EHD4: variants seen among roughly 807,000 people sequenced by gnomAD.
EHD4 encodes the protein EH domain containing 4, also known as EH domain-containing protein 4.
In EHD4, 37 loss-of-function variants were observed where a neutral mutation model predicts 51.0. That is an observed-to-expected ratio of 0.73 (90% CI 0.56 to 0.95). EHD4 has a LOEUF of 0.95. EHD4 is among the 40% of genes least tolerant of loss of function. The pLI, the probability that EHD4 is intolerant of heterozygous loss-of-function variation, is 0.00. For synonymous variants in EHD4, 297 were observed against 317.3 expected, an observed-to-expected ratio of 0.94 and a Z score of 0.68; for missense variants, 632 against 733.1, an observed-to-expected ratio of 0.86 and a Z score of 1.59.
intron 3 of EHD4, among the ~76,000 whole-genome samples, chr15:41,933,230 T>C (rs1307666239): frequency 6.6e-6 from 1 of 152,136 alleles, no homozygotes; most frequent in South Asian, 2.1e-4. Flanking sequence ...ACAGGCTTGT[T>C]TGGATGGTCG....
At chr15:41,959,174 C>T (rs900620650) in intron 1 of EHD4, among the ~76,000 whole-genome samples, 8 of 151,748 alleles carry the variant, frequency 5.3e-5, no homozygotes, top group South Asian at 2.1e-4. Context: ...GGGCGGATCA[C>T]GAGGTCAGGA....
chr15:41,946,954 T>G (rs2067819338), intron 2 of EHD4, among the ~76,000 whole-genome samples: 1 of 152,218 alleles, frequency 6.6e-6, no homozygotes, highest in South Asian at 2.1e-4. Context: ...CACCTCTTAC[T>G]GGGTGTCAGG....
At chr15:41,941,799 T>C (rs1442359398) in intron 3 of EHD4, 4 of 152,212 alleles carry the variant, frequency 2.6e-5, no homozygotes, top group Non-Finnish European at 5.9e-5. Context: ...GGAGGGCTTA[T>C]TGGCCTCGGA....
chr15:41,943,203 C>A, intron 2 of EHD4, 39 bp from the exon 3 acceptor site: 1 of 1,510,582 alleles, frequency 6.6e-7, no homozygotes, highest in Non-Finnish European at 9.0e-7. Flanking sequence ...AGAAACTGGG[C>A]ATCACAGAGT....
intron 5 of EHD4, 145 bp downstream of exon 5, chr15:41,909,554 G>A: frequency 1.0e-6 from 1 of 964,528 alleles, no homozygotes; most frequent in Non-Finnish European, 1.6e-6. Flanking sequence ...TTTATTCATA[G>A]CCTATTATCA....
At chr15:41,918,825 G>A (rs1234656231) in intron 4 of EHD4, among the ~76,000 whole-genome samples, 1 of 152,190 alleles carries the variant, frequency 6.6e-6, no homozygotes, top group Non-Finnish European at 1.5e-5. Flanking sequence ...ACCTCTTTCA[G>A]GTTTGGTTGG....
chr15:41,901,242 G>A, intron 5 of EHD4, 61 bp from the exon 6 acceptor site: 1 of 1,487,856 alleles, frequency 6.7e-7, no homozygotes, highest in Non-Finnish European at 8.9e-7. Flanking sequence ...AAACAGTTGG[G>A]GGCCACTGGA....
intron 2 of EHD4, among the ~76,000 whole-genome samples, chr15:41,949,051 TACACAC>T (rs1168501155): frequency 2.5e-4 from 27 of 109,402 alleles, no homozygotes; most frequent in Admixed American, 3.7e-4. Context: ...TATATATATA[TACACAC>T]ATACACACAC....
intron 1 of EHD4, among the ~76,000 whole-genome samples, chr15:41,967,725 G>C (rs2067969356): frequency 6.6e-6 from 1 of 152,176 alleles, no homozygotes; most frequent in Non-Finnish European, 1.5e-5. Flanking sequence ...AACTTATCAA[G>C]GGAATGAAGC....
chr15:41,911,539 C>T (rs1382527839), intron 4 of EHD4, among the ~76,000 whole-genome samples: 4 of 152,178 alleles, frequency 2.6e-5, no homozygotes, highest in Non-Finnish European at 4.4e-5. Context: ...GGAGCTGCCA[C>T]GTTCCATCAG....
At chr15:41,937,641 A>G (rs1212863253) in intron 3 of EHD4, among the ~76,000 whole-genome samples, 1 of 152,220 alleles carries the variant, frequency 6.6e-6, no homozygotes, top group African/African-American at 2.4e-5. Context: ...AAAGCCTGAG[A>G]GGGGAAGTCA....
intron 4 of EHD4, among the ~76,000 whole-genome samples, chr15:41,914,692 C>T (rs77164312): frequency 0.016 from 2,420 of 152,188 alleles, 53 homozygotes; most frequent in African/African-American, 0.044. Context: ...TAGGCAATAC[C>T]AGGATCTTCA....
In EHD4 at chr15:41,899,291, G is replaced by C. The variant is rs1418683634; in HGVS notation, c.*1354C>G. The C allele has an allele frequency of 1.3e-5, 2 of 152,168 alleles. No individual in the cohort carries two copies. Among genetic ancestry groups the C allele is most frequent in the Non-Finnish European group, 2.9e-5 (2 of 68,026 alleles). 9.4% of individuals were successfully genotyped at this position (152,168 alleles called of 1,614,324 possible). ...CCCCAAGCTGGTGCCCACAGAGGGG[G>C]AGGCACCTCCACCTGACGCAGGTGT... On this transcript the variant is annotated 3_prime_UTR_variant, in exon 6 of 6. Transcript: ENST00000220325.
intron 3 of EHD4, among the ~76,000 whole-genome samples, chr15:41,931,299 C>G (rs1566821689): frequency 6.6e-6 from 1 of 152,092 alleles, no homozygotes; most frequent in Non-Finnish European, 1.5e-5. Context: ...ATCACTTGAG[C>G]CTAGGAGTTT....
intron 2 of EHD4, among the ~76,000 whole-genome samples, chr15:41,948,669 A>G (rs1284292810): frequency 6.6e-6 from 1 of 152,142 alleles, no homozygotes; most frequent in Non-Finnish European, 1.5e-5. Context: ...ACGTGCTTGG[A>G]CTGATGCTGT....
intron 2 of EHD4, among the ~76,000 whole-genome samples, chr15:41,951,603 G>T (rs1704405): frequency 6.6e-6 from 1 of 152,024 alleles, no homozygotes; most frequent in Non-Finnish European, 1.5e-5. Context: ...AGCTTATTTC[G>T]TTAAGCCTTT....
chr15:41,913,133 C>T (rs2067560785), intron 4 of EHD4, among the ~76,000 whole-genome samples: 1 of 152,216 alleles, frequency 6.6e-6, no homozygotes. Flanking sequence ...AACGTCGGGA[C>T]ACCACGTGGG....
chr15:41,903,354 G>T (rs2067491044), intron 5 of EHD4, among the ~76,000 whole-genome samples: 1 of 142,920 alleles, frequency 7.0e-6, no homozygotes. Context: ...GAAAAAACTG[G>T]TAAGCAAAAC....
chr15:41,971,385 T>C (rs1051066876), intron 1 of EHD4, among the ~76,000 whole-genome samples: 1 of 152,240 alleles, frequency 6.6e-6, no homozygotes, highest in East Asian at 1.9e-4. Flanking sequence ...CCAAAAACAG[T>C]GAGCCTAAAT....
Sources: allele counts gnomAD v4.1 joint callset (sites outside exome capture counted in the v4.1 genomes callset), GRCh38; gene constraint gnomAD v4.1.1; transcripts MANE v1.5; gene names NCBI Gene and HGNC (gene_info 2026-07-23, HGNC 2026-07-21).